The following KITLG variants were observed in gnomAD, a reference collection of about 807,000 sequenced individuals.
KITLG encodes the protein KIT ligand.
KITLG carries 13 observed loss-of-function variants against 34.1 expected under a neutral mutation model. The ratio of observed to expected loss-of-function variants is 0.38; its 90% CI spans 0.25 to 0.61. The LOEUF is 0.61. Ranked by LOEUF, KITLG falls within the 20% of genes least tolerant of loss-of-function variation. KITLG has a pLI of 0.60. For missense variants in KITLG, 292 were observed against 318.9 expected, an observed-to-expected ratio of 0.92 and a Z score of 0.64; for synonymous variants, 110 against 104.0, an observed-to-expected ratio of 1.06 and a Z score of -0.35.
chr12:88,537,840 G>A (rs908159687), intron 2 of KITLG, among the ~76,000 whole-genome samples: 3 of 152,012 alleles, frequency 2.0e-5, no homozygotes, highest in Non-Finnish European at 4.4e-5. Flanking sequence ...AGAGTAGAGG[G>A]AGCCTATGGC....
chr12:88,565,260 T>C (rs1342830533), intron 1 of KITLG, among the ~76,000 whole-genome samples: 1 of 152,196 alleles, frequency 6.6e-6, no homozygotes, highest in Non-Finnish European at 1.5e-5. Context: ...AGGAAGCATC[T>C]TGAGTGTGGG....
At chr12:88,528,498 A>G (rs1869962280) in intron 3 of KITLG, among the ~76,000 whole-genome samples, 1 of 152,206 alleles carries the variant, frequency 6.6e-6, no homozygotes, top group Non-Finnish European at 1.5e-5. Context: ...AATGCAAAAA[A>G]CAAAAAACAA....
intron 2 of KITLG, among the ~76,000 whole-genome samples, chr12:88,539,310 CTT>C (rs1050479604): frequency 6.6e-6 from 1 of 152,080 alleles, no homozygotes; most frequent in African/African-American, 2.4e-5. Flanking sequence ...TCCCTTGACA[CTT>C]TTACAAAATG....
chr12:88,569,536 T>G (rs953083252), intron 1 of KITLG, among the ~76,000 whole-genome samples: 5 of 152,208 alleles, frequency 3.3e-5, no homozygotes, highest in Non-Finnish European at 2.9e-5. Flanking sequence ...ATTTAGTATT[T>G]TCTTGGTGTC....
At chr12:88,560,051 CG>C (rs1871247597) in intron 1 of KITLG, among the ~76,000 whole-genome samples, 1 of 152,190 alleles carries the variant, frequency 6.6e-6, no homozygotes, top group Admixed American at 6.5e-5. Context: ...GGTGCTGTCA[CG>C]TGTTGTAATC....
intron 7 of KITLG, 56 bp downstream of exon 7, chr12:88,506,972 G>T: frequency 1.0e-6 from 1 of 959,676 alleles, no homozygotes; most frequent in South Asian, 1.3e-5. Context: ...AGGAAAAAAA[G>T]ATGATAATTT....
At chr12:88,555,024 G>A (rs529030852) in intron 1 of KITLG, among the ~76,000 whole-genome samples, 1 of 152,156 alleles carries the variant, frequency 6.6e-6, no homozygotes, top group South Asian at 2.1e-4. Context: ...AGCTAAAAAT[G>A]TTTTAAAATA....
intron 2 of KITLG, among the ~76,000 whole-genome samples, chr12:88,537,068 A>T (rs1870345881): frequency 6.6e-6 from 1 of 152,176 alleles, no homozygotes; most frequent in African/African-American, 2.4e-5. Flanking sequence ...CTGTGGAAAG[A>T]AATTTGGGGA....
intron 9 of KITLG, among the ~76,000 whole-genome samples, chr12:88,503,858 T>G (rs2120795442): frequency 6.6e-6 from 1 of 152,276 alleles, no homozygotes; most frequent in South Asian, 2.1e-4. Flanking sequence ...CTGGAAAATC[T>G]TACTCTCCTG....
At chr12:88,560,942 T>C (rs950767737) in intron 1 of KITLG, among the ~76,000 whole-genome samples, 2 of 117,000 alleles carry the variant, frequency 1.7e-5, no homozygotes, top group South Asian at 2.8e-4. Context: ...CACTCAAGCC[T>C]GGGTAACAAA....
intron 3 of KITLG, among the ~76,000 whole-genome samples, chr12:88,531,691 G>A (rs547340364): frequency 1.9e-4 from 29 of 152,050 alleles, no homozygotes; most frequent in African/African-American, 7.0e-4. Context: ...CTATGAAAAA[G>A]AATTTACATA....
intron 2 of KITLG, 113 bp from the exon 3 acceptor site, chr12:88,532,616 A>G (rs1870140129): frequency 4.2e-6 from 3 of 719,302 alleles, no homozygotes; most frequent in Non-Finnish European, 7.2e-6. Context: ...AAAGTTACCA[A>G]TGAATTTCAA....
intron 2 of KITLG, among the ~76,000 whole-genome samples, chr12:88,534,028 G>A (rs977907589): frequency 2.6e-5 from 4 of 152,068 alleles, no homozygotes; most frequent in African/African-American, 7.2e-5. Flanking sequence ...TGTCTAACAC[G>A]TATCAAATAT....
At chr12:88,513,525 T>C (rs1182760) in intron 6 of KITLG, among the ~76,000 whole-genome samples, 150,045 of 151,824 alleles carry the variant, frequency 0.99, 74,146 homozygotes, top group East Asian at 1. Context: ...TGTTGTCTAC[T>C]AGAGATGTAC....
At chr12:88,529,795 T>G (rs530523233) in intron 3 of KITLG, among the ~76,000 whole-genome samples, 2 of 152,252 alleles carry the variant, frequency 1.3e-5, no homozygotes, top group South Asian at 4.1e-4. Flanking sequence ...CATGTCAAAA[T>G]GAAGGTAAAA....
chr12:88,504,883 C>T (rs949361335), intron 9 of KITLG, among the ~76,000 whole-genome samples: 1 of 149,706 alleles, frequency 6.7e-6, no homozygotes, highest in Non-Finnish European at 1.5e-5. Flanking sequence ...GAAAACCAAA[C>T]ACTGCGTGTT....
At chr12:88,563,549 A>G (rs1316934728) in intron 1 of KITLG, among the ~76,000 whole-genome samples, 6 of 152,222 alleles carry the variant, frequency 3.9e-5, no homozygotes, top group Admixed American at 3.3e-4. Flanking sequence ...CATGCTAATA[A>G]TCATGACTAA....
intron 2 of KITLG, among the ~76,000 whole-genome samples, chr12:88,541,545 A>G (rs1304438880): frequency 1.3e-5 from 2 of 152,172 alleles, no homozygotes; most frequent in East Asian, 3.9e-4. Context: ...TTTCCTTCCT[A>G]TATGAACAAT....
intron 2 of KITLG, among the ~76,000 whole-genome samples, chr12:88,535,077 T>C (rs114383886): frequency 1.3e-5 from 2 of 152,218 alleles, no homozygotes; most frequent in African/African-American, 4.8e-5. Flanking sequence ...AATACAAAAA[T>C]ACAATCAACT....
Sources: allele counts gnomAD v4.1 joint callset (sites outside exome capture counted in the v4.1 genomes callset), GRCh38; gene constraint gnomAD v4.1.1; transcripts MANE v1.5; gene names NCBI Gene and HGNC (gene_info 2026-07-23, HGNC 2026-07-21).